The following DISC1 variants were observed in gnomAD, a reference collection of about 807,000 sequenced individuals.
DISC1 encodes DISC1 scaffold protein, also known as disrupted in schizophrenia 1 protein.
In DISC1, 57 loss-of-function variants were observed where a neutral mutation model predicts 84.5. The ratio of observed to expected loss-of-function variants is 0.67; its 90% CI spans 0.55 to 0.84. The LOEUF is 0.84. Ranked by LOEUF, DISC1 falls within the 40% of genes least tolerant of loss-of-function variation. The probability of loss-of-function intolerance (pLI) is 0.00; values close to 1 mark genes in which losing one functional copy is unlikely to be tolerated. For missense variants in DISC1, 1,000 were observed against 1,057.8 expected (o/e 0.95, Z 0.76); for synonymous variants, 411 against 415.2 (o/e 0.99, Z 0.12).
chr1:231,687,380 C>T (rs1319014437), intron 1 of DISC1, among the ~76,000 whole-genome samples: 1 of 151,980 alleles, frequency 6.6e-6, no homozygotes, highest in Non-Finnish European at 1.5e-5. Flanking sequence ...ATGGTGGCAG[C>T]AAGAGAAAAT....
At chr1:231,869,286 A>G (rs4658887) in intron 9 of DISC1, among the ~76,000 whole-genome samples, 126,936 of 151,642 alleles carry the variant, frequency 0.84, 53,586 homozygotes, top group East Asian at 0.99. Context: ...CACTTAACTC[A>G]GGAACAGACT....
At chr1:231,824,983 C>T (rs1341467763) in intron 9 of DISC1, among the ~76,000 whole-genome samples, 1 of 152,190 alleles carries the variant, frequency 6.6e-6, no homozygotes, top group African/African-American at 2.4e-5. Context: ...GGCAGGCCCT[C>T]ATGGTCCAGA....
rs545522595 is a variant in DISC1, at chr1:231,785,786, T to C, written c.1635-9456T>C. ...GAGAGAAGGCTGTGCAGAGATAAAA[T>C]TGAATTTCTCATCTCCTGTAGCTTT... On this transcript the variant is annotated intron_variant, in intron 6 of 12. Coordinates refer to ENST00000439617, the MANE Select transcript of DISC1 (RefSeq NM_018662.3). 9.2e-4 allele frequency among the ~76,000 whole-genome samples: 140 copies of C among 152,262 alleles called. 1 individual carries two copies. Among genetic ancestry groups the C allele is most frequent in the African/African-American group, 3.2e-3 (135 of 41,542 alleles).
At chr1:231,803,816 C>T (rs1006205928) in intron 8 of DISC1, among the ~76,000 whole-genome samples, 1 of 151,894 alleles carries the variant, frequency 6.6e-6, no homozygotes, top group African/African-American at 2.4e-5. Context: ...GGCGTCATGG[C>T]GGGCGCCTGT....
chr1:231,918,825 A>C (rs6687338), intron 9 of DISC1, among the ~76,000 whole-genome samples: 1 of 152,086 alleles, frequency 6.6e-6, no homozygotes, highest in South Asian at 2.1e-4. Flanking sequence ...GCAAAGTTTC[A>C]TACCTGGAAG....
chr1:231,728,955 T>C (rs953386823), intron 3 of DISC1, among the ~76,000 whole-genome samples: 2 of 152,170 alleles, frequency 1.3e-5, no homozygotes, highest in Non-Finnish European at 2.9e-5. Context: ...AACTCGTCAT[T>C]TAACATTAGG....
intron 1 of DISC1, among the ~76,000 whole-genome samples, chr1:231,635,791 G>A (rs555996050): frequency 6.6e-6 from 1 of 152,054 alleles, no homozygotes; most frequent in South Asian, 2.1e-4. Flanking sequence ...GATAGCTCTT[G>A]AATATAAAAA....
At chr1:231,892,983 G>T (rs1853322) in intron 9 of DISC1, among the ~76,000 whole-genome samples, 1 of 152,176 alleles carries the variant, frequency 6.6e-6, no homozygotes, top group Middle Eastern at 3.4e-3. Context: ...CCAAAATGGC[G>T]AAACCCTATC....
chr1:231,769,729 T>C (rs560435874), intron 5 of DISC1, among the ~76,000 whole-genome samples: 4 of 152,264 alleles, frequency 2.6e-5, no homozygotes, highest in African/African-American at 4.8e-5. Flanking sequence ...TTAATGCCAC[T>C]GAACTCTACA....
At chr1:231,677,790 CCAAT>C (rs1279092968) in intron 1 of DISC1, among the ~76,000 whole-genome samples, 1 of 152,194 alleles carries the variant, frequency 6.6e-6, no homozygotes, top group South Asian at 2.1e-4. Context: ...ACCAGCCTGA[CCAAT>C]ATGGTGAAAC....
chr1:231,729,314 G>A (rs1308099864), intron 3 of DISC1, among the ~76,000 whole-genome samples: 1 of 152,208 alleles, frequency 6.6e-6, no homozygotes, highest in Non-Finnish European at 1.5e-5. Flanking sequence ...GTGTGCATAT[G>A]TCTTTATAGC....
At chr1:231,994,490 T>C (rs1374850445) in intron 10 of DISC1, among the ~76,000 whole-genome samples, 3 of 152,228 alleles carry the variant, frequency 2.0e-5, no homozygotes, top group African/African-American at 7.2e-5. Context: ...GAGGAGGATA[T>C]AGATACCAGC....
chr1:231,988,728 T>C (rs1572510630), intron 10 of DISC1, among the ~76,000 whole-genome samples: 1 of 152,234 alleles, frequency 6.6e-6, no homozygotes, highest in African/African-American at 2.4e-5. Flanking sequence ...GCATTTTTAT[T>C]ATAGCAACTG....
Position 231,630,399 on chromosome 1 carries a change from A to G in DISC1, c.67+3465A>G, listed in dbSNP as rs1466294736. ...CCAGATTGACCTTGAGCCTCAAGCA[A>G]CTTCTGCCTCGACCTCCCAAAGTAC... On this transcript the variant is annotated intron_variant, in intron 1 of 12. Transcript: ENST00000439617. This position sits in a 1 kb window ranked among gnomAD's most constrained non-coding sequence, Gnocchi z 4.4. Among the ~76,000 whole-genome samples the G allele has an allele frequency of 6.6e-6, 1 of 152,054 alleles. No homozygotes were observed. Among genetic ancestry groups the G allele is most frequent in the Non-Finnish European group, 1.5e-5 (1 of 68,014 alleles).
intron 9 of DISC1, among the ~76,000 whole-genome samples, chr1:231,891,768 A>G (rs1266980839): frequency 6.6e-6 from 1 of 152,174 alleles, no homozygotes; most frequent in African/African-American, 2.4e-5. Context: ...AATTTAAAAA[A>G]CGATATTATA....
At chr1:231,984,428 A>G (rs1235610789) in intron 10 of DISC1, among the ~76,000 whole-genome samples, 2 of 152,136 alleles carry the variant, frequency 1.3e-5, no homozygotes, top group African/African-American at 4.8e-5. Flanking sequence ...GTTCAAAAAT[A>G]TTATTATGGA....
intron 10 of DISC1, among the ~76,000 whole-genome samples, chr1:231,978,585 A>T (rs1407696594): frequency 6.6e-6 from 1 of 152,176 alleles, no homozygotes; most frequent in South Asian, 2.1e-4. Context: ...ATGTATGTGC[A>T]TTAGTAGGAA....
At chr1:231,697,273 G>A (rs1013258251) in intron 2 of DISC1, among the ~76,000 whole-genome samples, 1 of 152,030 alleles carries the variant, frequency 6.6e-6, no homozygotes, top group African/African-American at 2.4e-5. Context: ...ACCTCCTCTC[G>A]CTTCTACTTA....
chr1:231,639,566 T>C (rs2059462403), intron 1 of DISC1, among the ~76,000 whole-genome samples: 2 of 152,208 alleles, frequency 1.3e-5, no homozygotes, highest in Non-Finnish European at 2.9e-5. Flanking sequence ...GGATAAGTGA[T>C]AGTTAACCAC....
Sources: allele counts gnomAD v4.1 joint callset (sites outside exome capture counted in the v4.1 genomes callset), GRCh38; gene constraint gnomAD v4.1.1; non-coding constraint Gnocchi (gnomAD v3.1); transcripts MANE v1.5; gene names NCBI Gene and HGNC (gene_info 2026-07-23, HGNC 2026-07-21).